The following SLC44A5 variants were observed in gnomAD, a reference collection of about 807,000 sequenced individuals.
The protein encoded by SLC44A5 is solute carrier family 44 member 5, also known as choline transporter-like protein 5.
SLC44A5 carries 57 observed loss-of-function variants against 101.8 expected under a neutral mutation model. That is an observed-to-expected ratio of 0.56 (90% CI 0.45 to 0.70). The LOEUF is 0.70. Ranked by LOEUF, SLC44A5 falls within the 30% of genes least tolerant of loss-of-function variation. The pLI, the probability that SLC44A5 is intolerant of heterozygous loss-of-function variation, is 0.00. For synonymous variants in SLC44A5, 281 were observed against 290.9 expected (o/e 0.97, Z 0.35); for missense variants, 737 against 853.1 (o/e 0.86, Z 1.70).
intron 7 of SLC44A5, among the ~76,000 whole-genome samples, chr1:75,245,003 T>A (rs1331205274): frequency 1.3e-5 from 2 of 152,092 alleles, no homozygotes; most frequent in African/African-American, 4.8e-5. Flanking sequence ...TTAGCTGACA[T>A]CTCCTTTCCA....
chr1:75,684,754 C>T, the SLC44A5 span, among the ~76,000 whole-genome samples: 2 of 152,152 alleles, frequency 1.3e-5, no homozygotes, highest in Non-Finnish European at 2.9e-5. Context: ...CTTTCACAGG[C>T]TGGTGTTGAG....
chr1:75,556,563 A>C (rs1672226958), intron 1 of SLC44A5, among the ~76,000 whole-genome samples: 1 of 152,126 alleles, frequency 6.6e-6, no homozygotes, highest in Non-Finnish European at 1.5e-5. Flanking sequence ...CAACCCTATG[A>C]AGTAGGTACT....
intron 5 of SLC44A5, among the ~76,000 whole-genome samples, chr1:75,277,150 G>C (rs896249563): frequency 6.6e-6 from 1 of 152,154 alleles, no homozygotes; most frequent in East Asian, 1.9e-4. Flanking sequence ...TTTGTAGAAG[G>C]TTTAGAGAAC....
the SLC44A5 span, among the ~76,000 whole-genome samples, chr1:75,626,750 C>T: frequency 6.6e-6 from 1 of 152,196 alleles, no homozygotes; most frequent in South Asian, 2.1e-4. Flanking sequence ...CTTAATTGAT[C>T]TCCCTGACTC....
At chr1:75,371,650 CAG>C (rs1279406435) in intron 3 of SLC44A5, among the ~76,000 whole-genome samples, 3 of 152,180 alleles carry the variant, frequency 2.0e-5, no homozygotes, top group Non-Finnish European at 2.9e-5. Context: ...TTGAAAGAGA[CAG>C]AGAGTCTAAA....
the SLC44A5 span, among the ~76,000 whole-genome samples, chr1:75,678,011 A>G: frequency 2.0e-5 from 3 of 152,238 alleles, no homozygotes; most frequent in Non-Finnish European, 4.4e-5. Flanking sequence ...GGACGGCACC[A>G]GGAAAATTGG....
At chr1:75,582,065 C>G (rs576552330) in intron 1 of SLC44A5, 1 of 691,106 alleles carries the variant, frequency 1.4e-6, no homozygotes, top group African/African-American at 1.8e-5. Context: ...CACTTCCAGG[C>G]GCTTCAGGAG....
chr1:75,272,930 G>A (rs1158624068), intron 6 of SLC44A5, among the ~76,000 whole-genome samples: 1 of 151,284 alleles, frequency 6.6e-6, no homozygotes, highest in Non-Finnish European at 1.5e-5. Context: ...GAGGAATCCT[G>A]GTGGATGAGA....
intron 2 of SLC44A5, among the ~76,000 whole-genome samples, chr1:75,426,442 T>C (rs947695870): frequency 5.9e-5 from 9 of 152,178 alleles, no homozygotes; most frequent in African/African-American, 2.2e-4. Flanking sequence ...CAGGCACATG[T>C]CCTCTTTAAA....
chr1:75,591,679 T>C (rs1674361497), intron 1 of SLC44A5, among the ~76,000 whole-genome samples: 1 of 152,280 alleles, frequency 6.6e-6, no homozygotes, highest in Admixed American at 6.5e-5. Flanking sequence ...TCGTTTATAA[T>C]GACCAAGTGG....
chr1:75,555,178 C>T (rs1028401847), intron 1 of SLC44A5, among the ~76,000 whole-genome samples: 14 of 152,080 alleles, frequency 9.2e-5, no homozygotes, highest in Admixed American at 8.5e-4. Flanking sequence ...CAAACAAGTA[C>T]ATACTAAATA....
At chr1:75,696,459 T>A in the SLC44A5 span, among the ~76,000 whole-genome samples, 1 of 152,168 alleles carries the variant, frequency 6.6e-6, no homozygotes, top group African/African-American at 2.4e-5. Flanking sequence ...CATTAAGACA[T>A]AAATTGGAAG....
At chr1:75,511,042 C>G (rs1411000919) in intron 2 of SLC44A5, among the ~76,000 whole-genome samples, 1 of 152,124 alleles carries the variant, frequency 6.6e-6, no homozygotes, top group Non-Finnish European at 1.5e-5. Flanking sequence ...ACTCGGGAGG[C>G]TGAGGCAGGA....
intron 2 of SLC44A5, among the ~76,000 whole-genome samples, chr1:75,445,192 C>T (rs572200487): frequency 2.6e-5 from 4 of 152,178 alleles, no homozygotes; most frequent in South Asian, 2.1e-4. Flanking sequence ...GCCCTCTCCA[C>T]GGTAATGAGT....
intron 2 of SLC44A5, among the ~76,000 whole-genome samples, chr1:75,469,380 C>T (rs574721973): frequency 3.9e-5 from 6 of 152,002 alleles, no homozygotes; most frequent in South Asian, 4.1e-4. Context: ...ACATAATAAG[C>T]GTGAGCTGTA....
At chr1:75,353,521 T>C (rs1658841569) in intron 3 of SLC44A5, among the ~76,000 whole-genome samples, 1 of 152,228 alleles carries the variant, frequency 6.6e-6, no homozygotes, top group Non-Finnish European at 1.5e-5. Context: ...TAGTAGATGC[T>C]GATTAAATAT....
At chr1:75,532,616 T>A (rs115838787) in intron 2 of SLC44A5, among the ~76,000 whole-genome samples, 188 of 152,338 alleles carry the variant, frequency 1.2e-3, no homozygotes, top group African/African-American at 4.4e-3. Flanking sequence ...ATTTAAATTG[T>A]TGCTTTCTTT....
chr1:75,550,368 T>G lies in SLC44A5; in HGVS notation c.-69-8852A>C, dbSNP rs538550420. On this transcript the variant is annotated intron_variant, in intron 1 of 23. Transcript: ENST00000370859. ...TGAATTCATAGAGACAGAAATAGAT[T>G]AGTGGCTTCCAGGGGCTGGAGGATG... is the stretch of plus-strand genomic sequence containing the variant. Among the ~76,000 whole-genome samples, 6 of 151,852 alleles carry G rather than the reference T, an allele frequency of 4.0e-5. No homozygotes were observed. The South Asian group carries it at 1.0e-3, about 26-fold the overall frequency.
chr1:75,699,336 G>A, the SLC44A5 span, among the ~76,000 whole-genome samples: 1 of 152,024 alleles, frequency 6.6e-6, no homozygotes, highest in African/African-American at 2.4e-5. Flanking sequence ...AGAAGAATTG[G>A]GGGCCAATAT....
Sources: allele counts gnomAD v4.1 joint callset (sites outside exome capture counted in the v4.1 genomes callset), GRCh38; gene constraint gnomAD v4.1.1; transcripts MANE v1.5; gene names NCBI Gene and HGNC (gene_info 2026-07-23, HGNC 2026-07-21).